Variants in PTGER3 observed in about 807,000 individuals in gnomAD.
The protein encoded by PTGER3 is prostaglandin E receptor 3.
PTGER3 carries 22 observed loss-of-function variants against 34.7 expected under a neutral mutation model. The observed-to-expected ratio is 0.63, with a 90% CI of 0.45 to 0.91. The LOEUF (loss-of-function observed/expected upper bound fraction) is 0.91, where lower values mean the gene tolerates loss of function less well. PTGER3 is among the 40% of genes least tolerant of loss of function. PTGER3 has a pLI of 0.00. For missense variants in PTGER3, 468 were observed against 519.4 expected (o/e 0.90, Z 0.96); for synonymous variants, 241 against 230.1 (o/e 1.05, Z -0.43).
chr1:70,874,382 T>C (rs1388716349), intron 4 of PTGER3, among the ~76,000 whole-genome samples: 1 of 152,216 alleles, frequency 6.6e-6, no homozygotes, highest in Admixed American at 6.5e-5. Context: ...TTGACTCAAT[T>C]GCGTGTTGCC....
intron 4 of PTGER3, among the ~76,000 whole-genome samples, chr1:70,882,537 G>A (rs1245006972): frequency 6.6e-6 from 1 of 152,204 alleles, no homozygotes; most frequent in Non-Finnish European, 1.5e-5. Context: ...CTGCAAATGT[G>A]GCCTCTATTG....
At chr1:71,034,559 T>C (rs898699498) in intron 1 of PTGER3, among the ~76,000 whole-genome samples, 7 of 152,186 alleles carry the variant, frequency 4.6e-5, no homozygotes. Flanking sequence ...GACTGAGTTG[T>C]CAGTAAAAAA....
chr1:71,003,972 A>G (rs1656716270), intron 2 of PTGER3, among the ~76,000 whole-genome samples: 1 of 152,234 alleles, frequency 6.6e-6, no homozygotes, highest in African/African-American at 2.4e-5. Flanking sequence ...CATACCTATC[A>G]TCAATTTCTC....
chr1:70,872,768 C>T (rs902194871), intron 4 of PTGER3, among the ~76,000 whole-genome samples: 1 of 152,212 alleles, frequency 6.6e-6, no homozygotes, highest in Non-Finnish European at 1.5e-5. Context: ...GTTGAAGTCA[C>T]TACTGGGACT....
chr1:71,039,776 C>G (rs904026021), intron 1 of PTGER3, among the ~76,000 whole-genome samples: 2 of 151,688 alleles, frequency 1.3e-5, no homozygotes, highest in Admixed American at 1.3e-4. Flanking sequence ...TATAACTAAT[C>G]AAGCTGTGAA....
At chr1:70,934,268 G>T (rs1648997943) in intron 4 of PTGER3, among the ~76,000 whole-genome samples, 1 of 152,136 alleles carries the variant, frequency 6.6e-6, no homozygotes, top group Non-Finnish European at 1.5e-5. Context: ...ACTTTGACAA[G>T]TCACCCAACA....
downstream of PTGER3, among the ~76,000 whole-genome samples, chr1:70,947,768 C>A (rs1035122056): frequency 4.2e-4 from 64 of 152,138 alleles, no homozygotes; most frequent in African/African-American, 1.5e-3. Flanking sequence ...TTGTTGAGTA[C>A]TGGTGACTAA....
chr1:71,030,213 C>T (rs967483216), intron 1 of PTGER3, among the ~76,000 whole-genome samples: 1 of 152,034 alleles, frequency 6.6e-6, no homozygotes, highest in African/African-American at 2.4e-5. Flanking sequence ...GAATCTGAAG[C>T]CTTTTAATCT....
chr1:71,005,293 G>A (rs1656849920), intron 2 of PTGER3, among the ~76,000 whole-genome samples: 2 of 152,072 alleles, frequency 1.3e-5, no homozygotes, highest in Admixed American at 6.6e-5. Context: ...ACTACCCACA[G>A]GACCACTAAA....
chr1:71,036,162 G>A (rs1421413268), intron 1 of PTGER3, among the ~76,000 whole-genome samples: 1 of 152,154 alleles, frequency 6.6e-6, no homozygotes, highest in African/African-American at 2.4e-5. Context: ...GTATACCAAA[G>A]GAAAACCCAC....
chr1:71,011,803 A>G (rs1225129776), intron 2 of PTGER3: 2 of 991,828 alleles, frequency 2.0e-6, no homozygotes, highest in Non-Finnish European at 2.4e-6. Context: ...AGGCAATGAA[A>G]GAGAACACAG....
chr1:70,893,320 C>A (rs1331597905), intron 4 of PTGER3, among the ~76,000 whole-genome samples: 1 of 152,148 alleles, frequency 6.6e-6, no homozygotes, highest in Non-Finnish European at 1.5e-5. Context: ...AGCTAAGTGC[C>A]AATGCTTAGA....
intron 1 of PTGER3, among the ~76,000 whole-genome samples, chr1:71,015,120 T>A (rs2100870434): frequency 6.6e-6 from 1 of 152,334 alleles, no homozygotes; most frequent in East Asian, 1.9e-4. Flanking sequence ...TCCTCATCAT[T>A]TCTACTTCTG....
chr1:70,949,675 A>C (rs1020125472), downstream of PTGER3, among the ~76,000 whole-genome samples: 1 of 152,160 alleles, frequency 6.6e-6, no homozygotes, highest in Non-Finnish European at 1.5e-5. Context: ...GACACTTGAG[A>C]CATTCTAGTT....
At chr1:70,900,687 A>T (rs981328035) in intron 4 of PTGER3, among the ~76,000 whole-genome samples, 1 of 152,114 alleles carries the variant, frequency 6.6e-6, no homozygotes, top group Non-Finnish European at 1.5e-5. Context: ...TTTCAGCTCT[A>T]TATTTCATTT....
intron 2 of PTGER3, among the ~76,000 whole-genome samples, chr1:70,990,207 A>T (rs935951327): frequency 1.2e-4 from 18 of 151,530 alleles, no homozygotes; most frequent in African/African-American, 3.9e-4. Flanking sequence ...ACAAAAAAAA[A>T]TTAGCCAGGC....
intron 2 of PTGER3, among the ~76,000 whole-genome samples, chr1:70,979,921 TACA>T (rs1318759079): frequency 6.6e-6 from 1 of 152,184 alleles, no homozygotes; most frequent in Non-Finnish European, 1.5e-5. Flanking sequence ...TTTCTCTTTC[TACA>T]ACATCAAAAT....
chr1:70,906,243 A>T (rs1646945564), intron 4 of PTGER3, among the ~76,000 whole-genome samples: 1 of 152,186 alleles, frequency 6.6e-6, no homozygotes, highest in Non-Finnish European at 1.5e-5. Flanking sequence ...GACTAATACA[A>T]TGAGCTATGT....
At chr1:70,897,223 A>G (rs1473756112) in intron 4 of PTGER3, among the ~76,000 whole-genome samples, 3 of 152,240 alleles carry the variant, frequency 2.0e-5, no homozygotes, top group African/African-American at 7.2e-5. Flanking sequence ...TGATTATGCT[A>G]GAATGCACTG....
Sources: allele counts gnomAD v4.1 joint callset (sites outside exome capture counted in the v4.1 genomes callset), GRCh38; gene constraint gnomAD v4.1.1; transcripts MANE v1.5; gene names NCBI Gene and HGNC (gene_info 2026-07-23, HGNC 2026-07-21).